Variants in SCUBE1 observed in about 807,000 individuals in gnomAD.
The protein encoded by SCUBE1 is signal peptide, CUB domain and EGF like domain containing 1.
SCUBE1 carries 59 observed loss-of-function variants against 124.4 expected under a neutral mutation model. The ratio of observed to expected loss-of-function variants is 0.47; its 90% CI spans 0.38 to 0.59. SCUBE1 has a LOEUF of 0.59. Ranked by LOEUF, SCUBE1 falls within the 20% of genes least tolerant of loss-of-function variation. SCUBE1 has a pLI of 0.00. For synonymous variants in SCUBE1, 545 were observed against 550.9 expected (o/e 0.99, Z 0.15); for missense variants, 1,150 against 1,371.2 (o/e 0.84, Z 2.55).
intron 3 of SCUBE1, among the ~76,000 whole-genome samples, chr22:43,293,155 C>T (rs1925433122): frequency 6.6e-6 from 1 of 152,236 alleles, no homozygotes; most frequent in Non-Finnish European, 1.5e-5. Flanking sequence ...GGTCTGTCTC[C>T]AGCCTGCACT....
At chr22:43,274,086 C>T in intron 4 of SCUBE1, among the ~76,000 whole-genome samples, 1 of 152,056 alleles carries the variant, frequency 6.6e-6, no homozygotes. Flanking sequence ...CTAGGTGTCA[C>T]CGCAATCAAG....
rs1243943849 is a variant in SCUBE1 at position 43,229,127 on chromosome 22, G to A, written c.1029C>T (p.Ser343=). 6.2e-7 allele frequency: 1 copy of A among 1,614,038 alleles called. No homozygotes were observed. Among genetic ancestry groups the A allele is most frequent in the Non-Finnish European group, 8.5e-7 (1 of 1,180,030 alleles). The change falls in exon 9 of 22, where the codon AGC becomes AGT. Residue 343 remains serine (S), a synonymous_variant. Coordinates refer to ENST00000360835, the MANE Select transcript of SCUBE1 (RefSeq NM_173050.5). ...CDHICINSPG[S]FQCLCHRGYI... ...AGCCGCGGTGACACAGGCACTGGAA[G>A]CTGCCCGGGGAGTTGATGCAGATGT... is the stretch of plus-strand genomic sequence containing the variant.
At chr22:43,310,619 T>C (rs1926136880) in intron 3 of SCUBE1, among the ~76,000 whole-genome samples, 2 of 152,256 alleles carry the variant, frequency 1.3e-5, no homozygotes, top group South Asian at 4.1e-4. Flanking sequence ...TGATCCTGTC[T>C]GACTTCTTGC....
chr22:43,207,094 A>G (rs1921322000), intron 21 of SCUBE1, among the ~76,000 whole-genome samples: 4 of 152,094 alleles, frequency 2.6e-5, no homozygotes, highest in Admixed American at 2.6e-4. Context: ...ACCATGTGAC[A>G]CACCAGGCGG....
At chr22:43,340,230 T>G (rs1324660127) in intron 1 of SCUBE1, among the ~76,000 whole-genome samples, 1 of 151,964 alleles carries the variant, frequency 6.6e-6, no homozygotes, top group Non-Finnish European at 1.5e-5. Flanking sequence ...TGGGCTAACC[T>G]GAGCCCATCC....
intron 4 of SCUBE1, among the ~76,000 whole-genome samples, chr22:43,274,749 C>A (rs1924431648): frequency 6.6e-6 from 1 of 152,182 alleles, no homozygotes; most frequent in Non-Finnish European, 1.5e-5. Flanking sequence ...CACTGTCCAC[C>A]CACATGCCGC....
chr22:43,239,045 G>T, intron 6 of SCUBE1, 91 bp from the exon 7 acceptor site: 1 of 1,006,062 alleles, frequency 9.9e-7, no homozygotes, highest in Non-Finnish European at 1.5e-6. Flanking sequence ...TGAGACAGGA[G>T]ACGAGACCCG....
At chr22:43,319,599 C>T (rs1426498636) in intron 3 of SCUBE1, among the ~76,000 whole-genome samples, 1 of 145,938 alleles carries the variant, frequency 6.9e-6, no homozygotes, top group African/African-American at 2.6e-5. Context: ...GATTAGGACA[C>T]AGAGAGACAC....
intron 3 of SCUBE1, among the ~76,000 whole-genome samples, chr22:43,295,407 C>T (rs1449039355): frequency 5.3e-5 from 8 of 152,238 alleles, no homozygotes; most frequent in South Asian, 2.1e-4. Context: ...CTCCTAGCAG[C>T]GGGTCAGGCC....
chr22:43,207,839 T>C (rs1429334095), intron 20 of SCUBE1, among the ~76,000 whole-genome samples: 1 of 152,216 alleles, frequency 6.6e-6, no homozygotes, highest in Non-Finnish European at 1.5e-5. Context: ...AAAACCCTGC[T>C]TGGGCAGCAC....
At chr22:43,250,697 C>T (rs115017029) in intron 6 of SCUBE1, among the ~76,000 whole-genome samples, 9 of 152,256 alleles carry the variant, frequency 5.9e-5, no homozygotes, top group East Asian at 1.9e-4. Context: ...GAGGTAAACA[C>T]GGGGCAGAGT....
rs1418229603 is a variant in SCUBE1, at chr22:43,258,594, G to C, written c.611-259C>G. On this transcript the variant is annotated intron_variant, in intron 5 of 21. Transcript: ENST00000360835. This position sits in a 1 kb window ranked among gnomAD's most constrained non-coding sequence, Gnocchi z 5.0. ...CTTGGGGTCGTCTGGGCTTTGATCAGAGCAGGCACAGAGGTGATGCGCTCA... is the reference window on the plus strand; with the variant it reads ...CTTGGGGTCGTCTGGGCTTTGATCACAGCAGGCACAGAGGTGATGCGCTCA... 6.6e-6 allele frequency among the ~76,000 whole-genome samples: 1 copy of C among 152,186 alleles called. No homozygotes were observed. The highest frequency in any genetic ancestry group is 1.5e-5 in the Non-Finnish European group (1 of 68,034).
intron 15 of SCUBE1, among the ~76,000 whole-genome samples, chr22:43,214,472 C>A (rs999644331): frequency 1.3e-5 from 2 of 152,206 alleles, no homozygotes; most frequent in African/African-American, 4.8e-5. Flanking sequence ...GGCTGCTGCA[C>A]CTCAGAGTCC....
At chr22:43,309,699 G>C (rs1000411690) in intron 3 of SCUBE1, among the ~76,000 whole-genome samples, 1 of 151,852 alleles carries the variant, frequency 6.6e-6, no homozygotes, top group Non-Finnish European at 1.5e-5. Context: ...CTGTACCTCC[G>C]TGTCCACCCC....
Position 43,267,195 on chromosome 22 carries a change from A to G in SCUBE1, c.485-4350T>C, listed in dbSNP as rs537074920. Among the ~76,000 whole-genome samples the G allele has an allele frequency of 1.5e-4, 23 of 152,306 alleles. No homozygotes were observed. The South Asian group carries it at 3.5e-3, about 23-fold the overall frequency. On this transcript the variant is annotated intron_variant, in intron 4 of 21. Coordinates refer to ENST00000360835, the MANE Select transcript of SCUBE1 (RefSeq NM_173050.5). Reference sequence around the variant, plus strand: ...ACCGTGGGTAACCCGTTGGGGAGACATGAGCTTCATTCTTTTCAGTATCAC... The same window carrying G: ...ACCGTGGGTAACCCGTTGGGGAGACGTGAGCTTCATTCTTTTCAGTATCAC...
rs961453768 is a variant in SCUBE1, at chr22:43,255,247, C to T, written c.727+2972G>A. Among the ~76,000 whole-genome samples, 2 of 152,158 alleles carry T rather than the reference C, an allele frequency of 1.3e-5. No individual in the cohort carries two copies. Among genetic ancestry groups the T allele is most frequent in the African/African-American group, 2.4e-5 (1 of 41,436 alleles). On this transcript the variant is annotated intron_variant, in intron 6 of 21. Transcript: ENST00000360835. The surrounding 1 kb of genome is among the most constrained non-coding windows in gnomAD (Gnocchi z 4.7). ...AAATGTGTTTGATGGAGGGTAAAAA[C>T]TTTAAAAAGGAAAAAGTGAGTTCAC...
rs771578455 is a variant in SCUBE1, at chr22:43,255,559, AT to A, written c.727+2659del. On this transcript the variant is annotated intron_variant, in intron 6 of 21. Transcript: ENST00000360835. The surrounding 1 kb of genome is among the most constrained non-coding windows in gnomAD (Gnocchi z 4.7). ...CGTGGCATTGAACTGAGAGCGCTCA[AT>A]TGCAGCCTCATCCTTCTCTAAAACA... 6.4e-7 allele frequency: 1 copy of A among 1,550,500 alleles called. No individual in the cohort carries two copies.
Position 43,203,935 on chromosome 22 carries a change from T to C in SCUBE1, c.*62A>G. ...GTGTGGAGGCCCATGCAGCTCCCAC[T>C]GTGGAGGGCAGGTGCACCCTCCGCG... On this transcript the variant is annotated 3_prime_UTR_variant, in exon 22 of 22. Coordinates refer to ENST00000360835, the MANE Select transcript of SCUBE1 (RefSeq NM_173050.5). 3 of 1,556,378 alleles carry C rather than the reference T, an allele frequency of 1.9e-6. 1 individual carries two copies. The South Asian group carries it at 3.4e-5, about 18-fold the overall frequency.
chr22:43,313,341 A>G (rs1221832548), intron 3 of SCUBE1, among the ~76,000 whole-genome samples: 1 of 152,250 alleles, frequency 6.6e-6, no homozygotes, highest in Non-Finnish European at 1.5e-5. Flanking sequence ...TCAAACTGTG[A>G]GCAACTTGAG....
Sources: allele counts gnomAD v4.1 joint callset (sites outside exome capture counted in the v4.1 genomes callset), GRCh38; gene constraint gnomAD v4.1.1; non-coding constraint Gnocchi (gnomAD v3.1); transcripts MANE v1.5; gene names NCBI Gene and HGNC (gene_info 2026-07-23, HGNC 2026-07-21).